Variants in KIF1B observed in about 807,000 individuals in gnomAD.
KIF1B encodes the protein kinesin family member 1B.
Under a neutral mutation model 241.9 loss-of-function variants are expected in KIF1B, and 76 were observed. The observed-to-expected ratio is 0.31, with a 90% CI of 0.26 to 0.38. The LOEUF is 0.38. Ranked by LOEUF, KIF1B falls within the 10% of genes least tolerant of loss-of-function variation. KIF1B has a pLI of 1.00. For synonymous variants in KIF1B, 750 were observed against 796.7 expected (o/e 0.94, Z 0.99); for missense variants, 1,622 against 2,271.4 (o/e 0.71, Z 5.81).
intron 7 of KIF1B, among the ~76,000 whole-genome samples, chr1:10,270,085 T>G (rs1366127256): frequency 6.6e-6 from 1 of 152,190 alleles, no homozygotes; most frequent in Non-Finnish European, 1.5e-5. Flanking sequence ...ATTGAGGTAT[T>G]ATTGAAGTAT....
At position 10,348,966 on chromosome 1, in the gene KIF1B, G is replaced by A. The variant is rs922371684; in HGVS notation, c.3949+233G>A. ...AGAGATGTTATTCTTCCCTGTTTGC[G>A]GTACATGGAATGTGTAGAAGACCAT... On this transcript the variant is annotated intron_variant, in intron 37 of 48. Coordinates refer to ENST00000676179, the MANE Select transcript of KIF1B (RefSeq NM_001365951.3). Among the ~76,000 whole-genome samples the A allele has an allele frequency of 2.0e-5, 3 of 152,108 alleles. 1 individual carries two copies. In the South Asian group the frequency reaches 6.2e-4, roughly 31 times the overall value.
At chr1:10,296,449 T>G in intron 19 of KIF1B, 133 bp from the exon 20 acceptor site, 1 of 754,774 alleles carries the variant, frequency 1.3e-6, no homozygotes, top group Non-Finnish European at 2.3e-6. Context: ...AACTACTGTA[T>G]AGACAACTTC....
intron 45 of KIF1B, among the ~76,000 whole-genome samples, chr1:10,373,238 C>A (rs1402431240): frequency 6.8e-6 from 1 of 147,970 alleles, no homozygotes; most frequent in Non-Finnish European, 1.5e-5. Flanking sequence ...GGATTACAGG[C>A]GTGAGCCACT....
intron 1 of KIF1B, among the ~76,000 whole-genome samples, chr1:10,224,137 T>C (rs1646881004): frequency 6.6e-6 from 1 of 151,908 alleles, no homozygotes; most frequent in South Asian, 2.1e-4. Context: ...TTGTTTGAGA[T>C]GGAGTCTCGC....
intron 22 of KIF1B, among the ~76,000 whole-genome samples, chr1:10,315,778 G>A (rs1428629092): frequency 4.0e-5 from 6 of 151,210 alleles, no homozygotes; most frequent in Non-Finnish European, 2.9e-5. Context: ...TAAAGGGGCC[G>A]GGTGCAGTGG....
intron 2 of KIF1B, among the ~76,000 whole-genome samples, chr1:10,241,532 A>G (rs1042802598): frequency 1.3e-5 from 2 of 152,190 alleles, no homozygotes; most frequent in Admixed American, 1.3e-4. Context: ...ATTACATGAT[A>G]TAATTTAATA....
chr1:10,219,490 C>T (rs1225180536), intron 1 of KIF1B, among the ~76,000 whole-genome samples: 1 of 151,784 alleles, frequency 6.6e-6, no homozygotes, highest in Non-Finnish European at 1.5e-5. Context: ...GGCCTTATGG[C>T]TCACGCCTGT....
At chr1:10,271,756 T>C (rs1648811850) in intron 8 of KIF1B, among the ~76,000 whole-genome samples, 177 bp downstream of exon 8, 1 of 152,148 alleles carries the variant, frequency 6.6e-6, no homozygotes, top group East Asian at 1.9e-4. Flanking sequence ...CCTAAAATAA[T>C]TTGTGTCTGT....
At chr1:10,223,370 A>C (rs78051618) in intron 1 of KIF1B, among the ~76,000 whole-genome samples, 3,704 of 152,242 alleles carry the variant, frequency 0.024, 66 homozygotes, top group Non-Finnish European at 0.042. Flanking sequence ...AGGAGCAGGG[A>C]GTTTTGAAAC....
At chr1:10,338,881 A>G in intron 31 of KIF1B, among the ~76,000 whole-genome samples, 1 of 152,256 alleles carries the variant, frequency 6.6e-6, no homozygotes, top group East Asian at 1.9e-4. Flanking sequence ...AAAGCATGCT[A>G]GTGTTCTCAG....
chr1:10,358,021 TAAATA>T (rs1638304343), intron 38 of KIF1B, among the ~76,000 whole-genome samples: 1 of 140,622 alleles, frequency 7.1e-6, no homozygotes, highest in African/African-American at 2.7e-5. Context: ...GAAAAATAAA[TAAATA>T]AAATATATAT....
In KIF1B at chr1:10,337,305, AGCATGC is replaced by A; in HGVS notation, c.3260-65_3260-60del. On this transcript the variant is annotated intron_variant, in intron 30 of 48. Coordinates refer to ENST00000676179, the MANE Select transcript of KIF1B (RefSeq NM_001365951.3). This position sits in a 1 kb window ranked among gnomAD's most constrained non-coding sequence, Gnocchi z 4.0. ...TGGCCTTCATCAACTAGGAATGGAA[AGCATGC>A]CCAACTCCCTCCTCTTTGCATTATT... 1 of 1,612,902 alleles carries A rather than the reference AGCATGC, an allele frequency of 6.2e-7. No individual in the cohort carries two copies. Among genetic ancestry groups the A allele is most frequent in the Non-Finnish European group, 8.5e-7 (1 of 1,178,858 alleles).
intron 28 of KIF1B, 45 bp from the exon 29 acceptor site, chr1:10,336,610 CCT>C: frequency 6.9e-7 from 1 of 1,442,540 alleles, no homozygotes; most frequent in East Asian, 2.3e-5. Context: ...CCTCCCTCCC[CCT>C]GTGTAGTCTC....
chr1:10,282,539 T>A lies in KIF1B; in HGVS notation c.1434+6T>A. 6.2e-7 allele frequency: 1 copy of A among 1,608,074 alleles called. No homozygotes were observed. The highest frequency in any genetic ancestry group is 8.5e-7 in the Non-Finnish European group (1 of 1,174,532). ...AAGCTATTGAACGTTTAAAGGTAAG[T>A]AATAGTTCAGACTGAATACAAGGTA... On this transcript the variant is annotated splice_donor_region_variant and intron_variant, in intron 15 of 48. Coordinates refer to ENST00000676179, the MANE Select transcript of KIF1B (RefSeq NM_001365951.3).
chr1:10,337,666 A>G lies in KIF1B; in HGVS notation c.3422+133A>G, dbSNP rs974480234. 12 of 1,033,018 alleles carry G rather than the reference A, an allele frequency of 1.2e-5. No individual in the cohort carries two copies. In the African/African-American group the frequency reaches 1.3e-4, roughly 11 times the overall value. 64.0% of individuals were successfully genotyped at this position (1,033,018 alleles called of 1,614,324 possible). On this transcript the variant is annotated intron_variant, in intron 31 of 48. Transcript: ENST00000676179. The surrounding 1 kb of genome is among the most constrained non-coding windows in gnomAD (Gnocchi z 4.0). The stretch of plus-strand genomic sequence containing the variant: ...AAGACTGATCAGTCTCTGAAGGAAA[A>G]TACTTTCATCACTCCTATGGGAGTG...
At position 10,296,563 on chromosome 1, in the gene KIF1B, T is replaced by C; in HGVS notation, c.1778-19T>C. ...AATAGTTTGTAATGATAACATTAGT[T>C]TGTGTTTGTTCCTCTTAGTTATCGT... On this transcript the variant is annotated intron_variant, in intron 19 of 48. Coordinates refer to ENST00000676179, the MANE Select transcript of KIF1B (RefSeq NM_001365951.3). The C allele has an allele frequency of 1.3e-6, 2 of 1,591,152 alleles. No individual in the cohort carries two copies. Among genetic ancestry groups the C allele is most frequent in the Non-Finnish European group, 1.7e-6 (2 of 1,159,286 alleles).
intron 34 of KIF1B, among the ~76,000 whole-genome samples, chr1:10,344,002 T>C (rs1041946623): frequency 6.6e-6 from 1 of 152,320 alleles, no homozygotes; most frequent in South Asian, 2.1e-4. Context: ...ATTTCTGTCC[T>C]TTTTCCTCAT....
In KIF1B at chr1:10,360,059, T is replaced by A. The variant is rs539688354; in HGVS notation, c.4056-870T>A. 3.0e-3 allele frequency among the ~76,000 whole-genome samples: 451 copies of A among 151,660 alleles called. 4 individuals carry two copies. The highest frequency in any genetic ancestry group is 0.01 in the African/African-American group (417 of 41,250). On this transcript the variant is annotated intron_variant, in intron 38 of 48. Transcript: ENST00000676179. Reference sequence around the variant, plus strand: ...AAAATAAAATAAAATAAAAAAATAATAAAATAAAATAAAATAATGCTCTCT... The same window carrying A: ...AAAATAAAATAAAATAAAAAAATAAAAAAATAAAATAAAATAATGCTCTCT...
At chr1:10,349,337 A>C (rs950463675) in intron 37 of KIF1B, among the ~76,000 whole-genome samples, 2 of 151,916 alleles carry the variant, frequency 1.3e-5, no homozygotes, top group Non-Finnish European at 2.9e-5. Context: ...CGGGAGGCTG[A>C]GGTGGGAGGA....
Sources: gnomAD v4.1 joint callset for allele counts (sites outside exome capture counted in the v4.1 genomes callset) on GRCh38, gnomAD v4.1.1 for gene constraint, Gnocchi (gnomAD v3.1) non-coding constraint, MANE v1.5 for transcripts, NCBI Gene and HGNC (gene_info 2026-07-23, HGNC 2026-07-21) for gene names.